The following QTMAN variants were observed in gnomAD, a reference collection of about 807,000 sequenced individuals.
The protein encoded by QTMAN is tRNA-queuosine alpha-mannosyltransferase.
the QTMAN span, among the ~76,000 whole-genome samples, chr2:144,303,786 AC>A: frequency 6.6e-6 from 1 of 152,242 alleles, no homozygotes; most frequent in East Asian, 1.9e-4. Flanking sequence ...CAGACAGTAG[AC>A]AATAATGGCA....
the QTMAN span, among the ~76,000 whole-genome samples, chr2:144,156,783 C>T: frequency 6.6e-6 from 1 of 152,032 alleles, no homozygotes; most frequent in African/African-American, 2.4e-5. Flanking sequence ...TGGAGTCATT[C>T]AACACAACCT....
chr2:144,024,611 T>C, the QTMAN span, among the ~76,000 whole-genome samples: 2 of 152,170 alleles, frequency 1.3e-5, no homozygotes, highest in African/African-American at 4.8e-5. Context: ...TGATCTACAA[T>C]GCAAATGGTA....
At chr2:144,004,006 T>C in the QTMAN span, among the ~76,000 whole-genome samples, 1 of 151,984 alleles carries the variant, frequency 6.6e-6, no homozygotes, top group East Asian at 1.9e-4. Flanking sequence ...AATGACAAGA[T>C]CTAAGAATCC....
At chr2:144,083,948 A>T in the QTMAN span, among the ~76,000 whole-genome samples, 1 of 152,222 alleles carries the variant, frequency 6.6e-6, no homozygotes, top group Non-Finnish European at 1.5e-5. Context: ...CTACCTTTGA[A>T]TAAACATGTG....
chr2:144,200,127 G>A, the QTMAN span, among the ~76,000 whole-genome samples: 1 of 152,306 alleles, frequency 6.6e-6, no homozygotes, highest in South Asian at 2.1e-4. Flanking sequence ...AAATGGGCCA[G>A]TTAAGCAACA....
At chr2:144,040,016 G>A in the QTMAN span, among the ~76,000 whole-genome samples, 1 of 152,140 alleles carries the variant, frequency 6.6e-6, no homozygotes, top group Non-Finnish European at 1.5e-5. Flanking sequence ...AATAAAAACA[G>A]GGGCTATGTA....
chr2:144,019,708 G>C, the QTMAN span, among the ~76,000 whole-genome samples: 1 of 152,120 alleles, frequency 6.6e-6, no homozygotes, highest in Non-Finnish European at 1.5e-5. Context: ...CCTAACTTGA[G>C]GGGTTAAACC....
At chr2:144,193,451 A>T in the QTMAN span, among the ~76,000 whole-genome samples, 1 of 148,420 alleles carries the variant, frequency 6.7e-6, no homozygotes, top group Non-Finnish European at 1.5e-5. Flanking sequence ...TGTATATATA[A>T]TGCATATATA....
chr2:144,181,825 A>G, the QTMAN span, among the ~76,000 whole-genome samples: 2 of 152,156 alleles, frequency 1.3e-5, no homozygotes, highest in African/African-American at 2.4e-5. Flanking sequence ...ATAAAAATCA[A>G]TCAATAAATA....
the QTMAN span, among the ~76,000 whole-genome samples, chr2:144,067,516 T>C: frequency 6.6e-6 from 1 of 152,124 alleles, no homozygotes; most frequent in Non-Finnish European, 1.5e-5. Flanking sequence ...TCATAGCATA[T>C]AAAAGAAATC....
At chr2:144,318,335 T>C in the QTMAN span, among the ~76,000 whole-genome samples, 7 of 152,182 alleles carry the variant, frequency 4.6e-5, no homozygotes, top group African/African-American at 1.2e-4. Flanking sequence ...AGTTCAATTA[T>C]GGCACAATAA....
At chr2:144,179,790 T>C in the QTMAN span, among the ~76,000 whole-genome samples, 2 of 152,314 alleles carry the variant, frequency 1.3e-5, no homozygotes, top group East Asian at 3.8e-4. Context: ...AGGGTCTCAG[T>C]GCTGTTTCTG....
the QTMAN span, among the ~76,000 whole-genome samples, chr2:144,022,033 G>T: frequency 2.0e-5 from 3 of 152,058 alleles, no homozygotes; most frequent in South Asian, 2.1e-4. Context: ...ATGGGGCAGG[G>T]GGGTAGGGAG....
chr2:144,028,421 C>G, the QTMAN span, among the ~76,000 whole-genome samples: 1 of 152,158 alleles, frequency 6.6e-6, no homozygotes, highest in Non-Finnish European at 1.5e-5. Flanking sequence ...AAACTCTCAA[C>G]CTATAGATGT....
the QTMAN span, among the ~76,000 whole-genome samples, chr2:143,971,200 C>G: frequency 6.6e-6 from 1 of 151,598 alleles, no homozygotes; most frequent in African/African-American, 2.4e-5. Flanking sequence ...AGATGCTTTT[C>G]ATTTCCATAG....
At chr2:144,112,656 A>G in the QTMAN span, among the ~76,000 whole-genome samples, 21 of 152,220 alleles carry the variant, frequency 1.4e-4, no homozygotes, top group Admixed American at 1.3e-3. Flanking sequence ...TAAGCAGAGA[A>G]CCTAGATTTC....
At chr2:144,147,306 A>G in the QTMAN span, among the ~76,000 whole-genome samples, 1 of 151,674 alleles carries the variant, frequency 6.6e-6, no homozygotes, top group African/African-American at 2.4e-5. Context: ...TATTTTTTAA[A>G]CCTGTCTGTC....
chr2:144,179,518 A>G, the QTMAN span, among the ~76,000 whole-genome samples: 5 of 152,158 alleles, frequency 3.3e-5, no homozygotes, highest in African/African-American at 9.7e-5. Context: ...ATTAAGCCCA[A>G]TGTTCCTAAA....
At chr2:144,108,187 A>C in the QTMAN span, among the ~76,000 whole-genome samples, 21 of 152,296 alleles carry the variant, frequency 1.4e-4, no homozygotes, top group East Asian at 4.1e-3. Context: ...CCCTTTGAAA[A>C]CTGGCACAAG....
Sources: gnomAD v4.1 joint callset for allele counts (sites outside exome capture counted in the v4.1 genomes callset) on GRCh38, gnomAD v4.1.1 for gene constraint, MANE v1.5 for transcripts, NCBI Gene and HGNC (gene_info 2026-07-23, HGNC 2026-07-21) for gene names.